The following KIF15 variants were observed in gnomAD, a reference collection of about 807,000 sequenced individuals.
KIF15 encodes kinesin family member 15, also known as kinesin-like protein KIF15.
In KIF15, 140 loss-of-function variants were observed where a neutral mutation model predicts 190.6. That is an observed-to-expected ratio of 0.73 (90% CI 0.64 to 0.84). The LOEUF is 0.84. Ranked by LOEUF, KIF15 falls within the 40% of genes least tolerant of loss-of-function variation. The pLI is 0.00. For synonymous variants in KIF15, 528 were observed against 551.3 expected (o/e 0.96, Z 0.59); for missense variants, 1,372 against 1,584.4 (o/e 0.87, Z 2.28).
At chr3:44,802,444 A>G (rs1575613175) in intron 13 of KIF15, among the ~76,000 whole-genome samples, 1 of 152,288 alleles carries the variant, frequency 6.6e-6, no homozygotes, top group East Asian at 1.9e-4. Context: ...TCTCCTGTAC[A>G]CTTTTTTGCA....
intron 30 of KIF15, among the ~76,000 whole-genome samples, chr3:44,845,689 C>T (rs1267564981): frequency 1.3e-5 from 2 of 152,038 alleles, no homozygotes; most frequent in African/African-American, 2.4e-5. Flanking sequence ...AAGTTCTCAC[C>T]GCACATGCCT....
rs1284366905 is a variant in KIF15, at chr3:44,797,543, C to T, written c.850-8C>T. ...CTAAATTTTTGTTCTTTTCCGTCAA[C>T]ACTTTAGGAAGCAGGTAACATAAAT... On this transcript the variant is annotated splice_region_variant and splice_polypyrimidine_tract_variant and intron_variant, in intron 8 of 34. Coordinates refer to ENST00000326047, the MANE Select transcript of KIF15 (RefSeq NM_020242.3). 1.2e-6 allele frequency: 2 copies of T among 1,611,780 alleles called. No homozygotes were observed. Among genetic ancestry groups the T allele is most frequent in the African/African-American group, 2.7e-5 (2 of 74,804 alleles).
At chr3:44,798,879 A>G (rs1707123757) in intron 10 of KIF15, among the ~76,000 whole-genome samples, 2 of 152,228 alleles carry the variant, frequency 1.3e-5, no homozygotes, top group African/African-American at 4.8e-5. Flanking sequence ...TCAGTCCTAC[A>G]AGACTGCGCC....
At chr3:44,792,423 A>G (rs1209925655) in intron 7 of KIF15, among the ~76,000 whole-genome samples, 1 of 152,120 alleles carries the variant, frequency 6.6e-6, no homozygotes, top group Non-Finnish European at 1.5e-5. Context: ...TCAGTGAGAC[A>G]TGAACATGTC....
intron 20 of KIF15, among the ~76,000 whole-genome samples, chr3:44,820,248 G>T (rs1282220788): frequency 1.0e-4 from 15 of 150,646 alleles, no homozygotes; most frequent in East Asian, 7.8e-4. Flanking sequence ...TACATTTAAG[G>T]TTAATATTGT....
intron 7 of KIF15, among the ~76,000 whole-genome samples, chr3:44,787,271 C>G (rs1390524630): frequency 1.3e-5 from 2 of 152,060 alleles, no homozygotes; most frequent in East Asian, 1.9e-4. Flanking sequence ...CTGGCTCTTC[C>G]CCAAAATTAA....
intron 16 of KIF15, among the ~76,000 whole-genome samples, chr3:44,807,566 C>A (rs1036825181): frequency 2.0e-5 from 3 of 152,122 alleles, no homozygotes; most frequent in Admixed American, 6.5e-5. Context: ...AAATCTCTTT[C>A]CTTCTGTTGT....
At chr3:44,818,960 G>GGA (rs956189002) in intron 20 of KIF15, among the ~76,000 whole-genome samples, 3 of 152,138 alleles carry the variant, frequency 2.0e-5, no homozygotes, top group African/African-American at 7.2e-5. Context: ...CTTCTTCCTG[G>GGA]TTTAGTCTTG....
chr3:44,774,493 T>A (rs1364820620), intron 2 of KIF15, 56 bp downstream of exon 2: 17 of 1,435,030 alleles, frequency 1.2e-5, no homozygotes, highest in Non-Finnish European at 1.6e-5. Flanking sequence ...GGAATATTTT[T>A]AAAATAACCA....
At chr3:44,797,789 T>G (rs774911125) in intron 9 of KIF15, 45 bp from the exon 10 acceptor site, 2 of 1,607,318 alleles carry the variant, frequency 1.2e-6, no homozygotes, top group East Asian at 2.2e-5. Context: ...TAAAAAGGTC[T>G]TGTGATTTCT....
At chr3:44,854,629 T>G (rs1309163341), downstream of KIF15, among the ~76,000 whole-genome samples, 1 of 152,218 alleles carries the variant, frequency 6.6e-6, no homozygotes, top group East Asian at 1.9e-4. Context: ...CTGTATCAGC[T>G]GTAGAGCTGC....
At chr3:44,800,551 T>C (rs1001778669) in intron 11 of KIF15, 114 bp downstream of exon 11, 6 of 1,043,192 alleles carry the variant, frequency 5.8e-6, no homozygotes, top group Non-Finnish European at 8.4e-6. Context: ...TGCAGGTATC[T>C]CTTTCTGCTT....
At chr3:44,788,586 C>G (rs1245583794) in intron 7 of KIF15, among the ~76,000 whole-genome samples, 1 of 152,020 alleles carries the variant, frequency 6.6e-6, no homozygotes, top group Non-Finnish European at 1.5e-5. Flanking sequence ...TCCCTAGTAG[C>G]TGAGACTGCA....
intron 14 of KIF15, among the ~76,000 whole-genome samples, chr3:44,803,360 T>A (rs1017286576): frequency 6.6e-6 from 1 of 152,208 alleles, no homozygotes; most frequent in Non-Finnish European, 1.5e-5. Context: ...TGTTTATCAA[T>A]CTAATTAGTC....
intron 5 of KIF15, among the ~76,000 whole-genome samples, chr3:44,782,753 T>C (rs1428575568): frequency 6.6e-6 from 1 of 152,134 alleles, no homozygotes; most frequent in African/African-American, 2.4e-5. Context: ...CATGAGACTG[T>C]CCAAGAGAAT....
At position 44,805,826 on chromosome 3, in the gene KIF15, G is replaced by GT. The variant is rs1208678176; in HGVS notation, c.1830-15dup. 1 of 1,605,524 alleles carries GT rather than the reference G, an allele frequency of 6.2e-7. No individual in the cohort carries two copies. The stretch of plus-strand genomic sequence containing the variant: ...CATTACTTATTACCTGAAATACTCC[G>GT]TTTTACAATATCTATTAGGAAAAGG... On this transcript the variant is annotated intron_variant, in intron 15 of 34. Transcript: ENST00000326047.
chr3:44,802,750 AG>A, intron 13 of KIF15, 63 bp from the exon 14 acceptor site: 1 of 1,442,700 alleles, frequency 6.9e-7, no homozygotes, highest in Non-Finnish European at 9.2e-7. Flanking sequence ...GGCTTTTTAG[AG>A]GAACTAATTC....
intron 4 of KIF15, among the ~76,000 whole-genome samples, chr3:44,778,956 G>A (rs1333378330): frequency 7.7e-6 from 1 of 130,656 alleles, no homozygotes; most frequent in Non-Finnish European, 1.5e-5. Context: ...CTCCAGCCTG[G>A]GTGACAGGGC....
rs766912113 is a variant in KIF15 at position 44,830,597 on chromosome 3, C to T, written c.3049-299C>T. Reference sequence around the variant, plus strand: ...GATGCTTTTCTCCTCTGGGTCGAGGCGAAGGCTTTTGTCACTCCTCCTCAC... The same window carrying T: ...GATGCTTTTCTCCTCTGGGTCGAGGTGAAGGCTTTTGTCACTCCTCCTCAC... On this transcript the variant is annotated intron_variant, in intron 25 of 34. Coordinates refer to ENST00000326047, the MANE Select transcript of KIF15 (RefSeq NM_020242.3). Among the ~76,000 whole-genome samples the T allele has an allele frequency of 4.6e-5, 7 of 152,280 alleles. No individual in the cohort carries two copies. In the East Asian group the frequency reaches 9.6e-4, roughly 21 times the overall value.
Sources: gnomAD v4.1 joint callset for allele counts (sites outside exome capture counted in the v4.1 genomes callset) on GRCh38, gnomAD v4.1.1 for gene constraint, MANE v1.5 for transcripts, NCBI Gene and HGNC (gene_info 2026-07-23, HGNC 2026-07-21) for gene names.